Variants in KCNC4 observed in about 807,000 individuals in gnomAD.
KCNC4 encodes voltage-gated potassium channel KCNC4.
A neutral mutation model predicts 42.8 loss-of-function variants in KCNC4; 23 were observed. The observed-to-expected ratio is 0.54, with a 90% confidence interval of 0.39 to 0.76. The LOEUF is 0.76. KCNC4 is among the 30% of genes least tolerant of loss of function. The pLI is 0.00. For missense variants in KCNC4, 751 were observed against 898.2 expected (o/e 0.84, Z 2.10); for synonymous variants, 422 against 393.5 (o/e 1.07, Z -0.86).
rs1461756966 is a variant in KCNC4, at chr1:110,226,144, G to A, written c.1785G>A (p.Gly595=). 23 of 1,614,016 alleles carry A rather than the reference G, an allele frequency of 1.4e-5. No homozygotes were observed. The highest frequency in any genetic ancestry group is 1.9e-5 in the Non-Finnish European group (23 of 1,180,024). Residue 595 remains glycine (G), a synonymous_variant, in exon 3 of 4, where the codon GGG becomes GGA. Coordinates refer to ENST00000438661, the MANE Select transcript of KCNC4 (RefSeq NM_001039574.3). ...KAAACFLLST[G]DYACADGSVR... ...CTGCCTGCTTCCTGCTCAGCACTGG[G>A]GACTATGCCTGCGCCGATGGTAGTG...
chr1:110,226,180 T>G lies in KCNC4; in HGVS notation c.1819+2T>G. 6.2e-7 allele frequency: 1 copy of G among 1,613,856 alleles called. No individual in the cohort carries two copies. The highest frequency in any genetic ancestry group is 8.5e-7 in the Non-Finnish European group (1 of 1,179,864). ...GCGCCGATGGTAGTGTCCGGAAAGG[T>G]ATGGCTTCCCAAGCTGGACAGGTGG... On this transcript the variant is annotated splice_donor_variant, in intron 3 of 3. Coordinates refer to ENST00000438661, the MANE Select transcript of KCNC4 (RefSeq NM_001039574.3). LOFTEE classifies it high-confidence loss of function.
At chr1:110,239,157 C>T (rs1323459313) in exon 4 of KCNC4, 1 of 152,436 alleles carries the variant, frequency 6.6e-6, no homozygotes, top group Admixed American at 6.5e-5. Flanking sequence ...ATCCAGACTC[C>T]TTAGGAGGGC....
At position 110,212,020 on chromosome 1, in the gene KCNC4, G is replaced by A. The variant is rs758272968; in HGVS notation, c.521G>A (p.Ser174Asn). The A allele has an allele frequency of 1.9e-6, 3 of 1,599,080 alleles. No homozygotes were observed. The highest frequency in any genetic ancestry group is 1.7e-6 in the Non-Finnish European group (2 of 1,174,302). The change falls in exon 1 of 4, where the codon AGC becomes AAC. Residue 174 changes from serine (S) to asparagine (N), a missense_variant. Ser to Asn is a conservative substitution (Grantham distance 46, BLOSUM62 1). This residue lies in a region of KCNC4 where 181 missense variants were observed against 167.3 expected (regional missense o/e 1.08). Coordinates refer to ENST00000438661, the MANE Select transcript of KCNC4 (RefSeq NM_001039574.3). Reference protein sequence around the residue: ...PDGGGSGAGPSDEAGDDEREL... With the variant: ...PDGGGSGAGPNDEAGDDEREL... The stretch of plus-strand genomic sequence containing the variant: ...GGAGGCGGCAGCGGCGCGGGGCCCA[G>A]CGACGAGGCCGGCGACGATGAGCGG...
At chr1:110,242,260 G>GGC (rs1659047481) in exon 4 of KCNC4, 1 of 152,156 alleles carries the variant, frequency 6.6e-6, no homozygotes, top group African/African-American at 2.4e-5. Flanking sequence ...ACAGCGGGGG[G>GGC]GGCTATATCC....
rs755391792 is a variant in KCNC4 at position 110,211,472 on chromosome 1, C to T, written c.-28C>T. On this transcript the variant is annotated 5_prime_UTR_variant, in exon 1 of 4. Transcript: ENST00000438661. The surrounding 1 kb of genome is among the most constrained non-coding windows in gnomAD (Gnocchi z 6.5). ...AGGGTGTTTGGAGGGCAGCGGCCGCCCCAAGCCGGAGCCCCGCAGCGCTTC... is the reference window on the plus strand; with the variant it reads ...AGGGTGTTTGGAGGGCAGCGGCCGCTCCAAGCCGGAGCCCCGCAGCGCTTC... 3 of 1,593,876 alleles carry T rather than the reference C, an allele frequency of 1.9e-6. No homozygotes were observed. The highest frequency in any genetic ancestry group is 2.7e-5 in the African/African-American group (2 of 74,410).
At chr1:110,271,763 G>C (rs1030448625) in intron 1 of KCNC4, among the ~76,000 whole-genome samples, 5 of 152,098 alleles carry the variant, frequency 3.3e-5, no homozygotes, top group Non-Finnish European at 5.9e-5. Flanking sequence ...GGGAAGAAGG[G>C]GGTTGAGGTG....
intron 1 of KCNC4, among the ~76,000 whole-genome samples, chr1:110,267,678 C>T (rs562054004): frequency 6.6e-6 from 1 of 152,288 alleles, no homozygotes; most frequent in African/African-American, 2.4e-5. Context: ...GCCCCACTTC[C>T]TATGTATCTC....
chr1:110,283,343 G>A (rs969807896), downstream of KCNC4, among the ~76,000 whole-genome samples: 5 of 152,090 alleles, frequency 3.3e-5, no homozygotes, highest in East Asian at 7.7e-4. Flanking sequence ...AGGAGCCCAC[G>A]GTAAATGTAA....
chr1:110,255,639 A>G (rs182421520), intron 1 of KCNC4, among the ~76,000 whole-genome samples: 99 of 152,272 alleles, frequency 6.5e-4, no homozygotes, highest in African/African-American at 2.3e-3. Flanking sequence ...CTCAAAAGCA[A>G]GGGTTGCCAT....
chr1:110,263,955 C>G (rs1288837418), intron 1 of KCNC4, among the ~76,000 whole-genome samples: 2 of 152,146 alleles, frequency 1.3e-5, no homozygotes, highest in East Asian at 3.9e-4. Context: ...GTGGGGGAAT[C>G]TCTTTCCCAT....
chr1:110,246,327 G>A (rs772537275), exon 4 of KCNC4: 1 of 152,342 alleles, frequency 6.6e-6, no homozygotes, highest in South Asian at 2.1e-4. Context: ...TTGGGGTCCA[G>A]AAAACATTTT....
At chr1:110,226,495 G>A (rs1186903373) in intron 3 of KCNC4, among the ~76,000 whole-genome samples, 1 of 152,186 alleles carries the variant, frequency 6.6e-6, no homozygotes, top group East Asian at 1.9e-4. Flanking sequence ...TCTGGTTCCC[G>A]CTGCTGCCTT....
At chr1:110,270,579 C>A (rs1451769941) in intron 1 of KCNC4, among the ~76,000 whole-genome samples, 1 of 152,188 alleles carries the variant, frequency 6.6e-6, no homozygotes, top group Non-Finnish European at 1.5e-5. Flanking sequence ...AAGCTGCTGA[C>A]TGGAGGGTGT....
Position 110,280,727 on chromosome 1 carries a change from C to T in KCNC4, n.31-1807C>T, listed in dbSNP as rs772838794. ...CAGTATAAGTATGGCATATTTGGGA[C>T]AAATACTAAAAAATTATTTGTTGTT... On this transcript the variant is annotated intron_variant and non_coding_transcript_variant, in intron 1 of 2. Transcript: ENST00000412512. Among the ~76,000 whole-genome samples the T allele has an allele frequency of 3.3e-5, 5 of 152,100 alleles. No individual in the cohort carries two copies. The East Asian group carries it at 9.6e-4, about 29-fold the overall frequency.
At chr1:110,222,677 G>C (rs1424879263) in intron 1 of KCNC4, 2 of 403,526 alleles carry the variant, frequency 5.0e-6, no homozygotes, top group African/African-American at 4.0e-5. Flanking sequence ...GAGGTGGGCA[G>C]AGCTATCAAA....
exon 4 of KCNC4, chr1:110,239,558 G>C (rs911522597): frequency 6.6e-6 from 1 of 152,096 alleles, no homozygotes; most frequent in Non-Finnish European, 1.5e-5. Flanking sequence ...GGGCCTATAG[G>C]GGCTCGGTAA....
At chr1:110,243,823 T>G (rs1659084721) in exon 4 of KCNC4, 1 of 151,926 alleles carries the variant, frequency 6.6e-6, no homozygotes, top group Non-Finnish European at 1.5e-5. Flanking sequence ...CCCAAACGCT[T>G]TGTTTGGGTG....
intron 1 of KCNC4, among the ~76,000 whole-genome samples, chr1:110,280,607 G>A (rs566452226): frequency 2.6e-5 from 4 of 152,030 alleles, no homozygotes; most frequent in Admixed American, 1.3e-4. Context: ...CTACACCATC[G>A]CCTAGTTATC....
At chr1:110,229,631 C>T (rs1658594730) in intron 3 of KCNC4, among the ~76,000 whole-genome samples, 1 of 152,206 alleles carries the variant, frequency 6.6e-6, no homozygotes, top group East Asian at 1.9e-4. Flanking sequence ...CATCTAATTT[C>T]TATAATTAAG....
Sources: allele counts gnomAD v4.1 joint callset (sites outside exome capture counted in the v4.1 genomes callset), GRCh38; gene constraint gnomAD v4.1.1; regional missense constraint gnomAD v4.1.1; non-coding constraint Gnocchi (gnomAD v3.1); transcripts MANE v1.5; gene names NCBI Gene and HGNC (gene_info 2026-07-23, HGNC 2026-07-21).